The following CTIF variants were observed in gnomAD, a reference collection of about 807,000 sequenced individuals.
The protein encoded by CTIF is cap binding complex dependent translation initiation factor, also known as CBP80/20-dependent translation initiation factor.
A neutral mutation model predicts 66.0 loss-of-function variants in CTIF; 21 were observed. The ratio of observed to expected loss-of-function variants is 0.32; its 90% CI spans 0.23 to 0.46. The LOEUF (loss-of-function observed/expected upper bound fraction) is 0.46, where lower values mean the gene tolerates loss of function less well. Ranked by LOEUF, CTIF falls within the 20% of genes least tolerant of loss-of-function variation. The pLI is 1.00. For missense variants in CTIF, 739 were observed against 812.7 expected, an observed-to-expected ratio of 0.91 and a Z score of 1.10; for synonymous variants, 345 against 326.4, an observed-to-expected ratio of 1.06 and a Z score of -0.62.
At chr18:48,805,442 A>G (rs1036619494) in intron 9 of CTIF, among the ~76,000 whole-genome samples, 6 of 151,976 alleles carry the variant, frequency 3.9e-5, no homozygotes, top group Admixed American at 3.3e-4. Flanking sequence ...GGGGATTGCA[A>G]CTAGCCTCAG....
intron 6 of CTIF, among the ~76,000 whole-genome samples, chr18:48,694,292 A>G (rs1425142198): frequency 6.6e-6 from 1 of 152,220 alleles, no homozygotes; most frequent in Admixed American, 6.5e-5. Context: ...GCCCAAGGAC[A>G]ATGGATTCAG....
intron 1 of CTIF, among the ~76,000 whole-genome samples, chr18:48,545,595 C>T (rs1216450909): frequency 1.3e-5 from 2 of 151,226 alleles, no homozygotes; most frequent in East Asian, 1.9e-4. Flanking sequence ...AACTCAGGTG[C>T]GAACTTCTGG....
intron 1 of CTIF, among the ~76,000 whole-genome samples, chr18:48,541,617 C>T (rs2088622668): frequency 6.6e-6 from 1 of 152,190 alleles, no homozygotes; most frequent in African/African-American, 2.4e-5. Flanking sequence ...GGCCAGGACA[C>T]GCTCAGGTTG....
At chr18:48,738,133 G>A (rs1200622209) in intron 7 of CTIF, among the ~76,000 whole-genome samples, 1 of 152,170 alleles carries the variant, frequency 6.6e-6, no homozygotes, top group African/African-American at 2.4e-5. Context: ...ACACCTTGCA[G>A]ACATTCTTGA....
intron 9 of CTIF, among the ~76,000 whole-genome samples, chr18:48,805,597 GA>G (rs994286491): frequency 1.8e-3 from 269 of 151,978 alleles, no homozygotes; most frequent in African/African-American, 5.9e-3. Flanking sequence ...TGGGAAGGGG[GA>G]AAAAAAATCC....
chr18:48,655,652 G>A (rs555851267), intron 3 of CTIF, among the ~76,000 whole-genome samples: 19 of 152,318 alleles, frequency 1.2e-4, no homozygotes, highest in African/African-American at 4.6e-4. Context: ...GACTGAGGGT[G>A]CACTGTATCA....
rs78117489 is a variant in CTIF, at chr18:48,711,284, T to C, written c.508-335T>C. Among the ~76,000 whole-genome samples the C allele has an allele frequency of 2.7e-3, 412 of 152,358 alleles. 1 individual carries two copies. Among genetic ancestry groups the C allele is most frequent in the Middle Eastern group, 6.8e-3 (2 of 294 alleles). On this transcript the variant is annotated intron_variant, in intron 6 of 11. Transcript: ENST00000256413. Reference sequence around the variant, plus strand: ...GCTGCAGAACCTGGCCCCAGCTCTGTTGCTCATTTTCTGCAAAACCTTGAA... The same window carrying C: ...GCTGCAGAACCTGGCCCCAGCTCTGCTGCTCATTTTCTGCAAAACCTTGAA...
At chr18:48,630,863 G>C (rs2090697867) in intron 2 of CTIF, among the ~76,000 whole-genome samples, 3 of 151,926 alleles carry the variant, frequency 2.0e-5, no homozygotes, top group Admixed American at 6.6e-5. Flanking sequence ...TTTTTTAGTA[G>C]AGACGGGGTT....
chr18:48,759,793 T>A (rs1419093470), intron 8 of CTIF, among the ~76,000 whole-genome samples: 1 of 151,932 alleles, frequency 6.6e-6, no homozygotes, highest in Non-Finnish European at 1.5e-5. Context: ...AAGAGAGGGG[T>A]ACATGGGGGA....
At chr18:48,704,100 C>G (rs191794964) in intron 6 of CTIF, among the ~76,000 whole-genome samples, 1 of 152,088 alleles carries the variant, frequency 6.6e-6, no homozygotes, top group Non-Finnish European at 1.5e-5. Context: ...GGGAGCATGG[C>G]GGAGCACCAC....
rs577087125 is a variant in CTIF at position 48,755,248 on chromosome 18, G to A, written c.585-2671G>A. ...ATTGAAAGAACAAAGAGAATGGAAGGAGCAATTAGTTGAAAGTAACTGAGA... is the reference window on the plus strand; with the variant it reads ...ATTGAAAGAACAAAGAGAATGGAAGAAGCAATTAGTTGAAAGTAACTGAGA... On this transcript the variant is annotated intron_variant, in intron 7 of 11. Coordinates refer to ENST00000256413, the MANE Select transcript of CTIF (RefSeq NM_014772.3). Among the ~76,000 whole-genome samples the A allele has an allele frequency of 2.4e-4, 36 of 152,356 alleles. No individual in the cohort carries two copies. In the South Asian group the frequency reaches 7.0e-3, roughly 30 times the overall value.
At chr18:48,719,956 A>T (rs146807055) in intron 7 of CTIF, among the ~76,000 whole-genome samples, 42 of 152,360 alleles carry the variant, frequency 2.8e-4, no homozygotes, top group Admixed American at 9.8e-4. Context: ...GTATTAAATA[A>T]GGTTTCTTTA....
intron 9 of CTIF, among the ~76,000 whole-genome samples, chr18:48,787,586 G>A (rs1016905606): frequency 2.6e-5 from 4 of 152,126 alleles, no homozygotes; most frequent in South Asian, 2.1e-4. Context: ...GGACCGTGAC[G>A]GGCCCCAGCT....
chr18:48,661,646 G>A (rs2091349198), intron 3 of CTIF, among the ~76,000 whole-genome samples: 1 of 152,184 alleles, frequency 6.6e-6, no homozygotes, highest in South Asian at 2.1e-4. Context: ...AAGGGAGAGA[G>A]GACGATCCTA....
chr18:48,755,954 G>A (rs998300824), intron 7 of CTIF: 1 of 152,330 alleles, frequency 6.6e-6, no homozygotes, highest in Non-Finnish European at 1.5e-5. Flanking sequence ...TGACACACTG[G>A]TGAGTTCCTG....
intron 1 of CTIF, among the ~76,000 whole-genome samples, chr18:48,568,641 A>AAAAAAG: frequency 1.2e-5 from 1 of 80,040 alleles, no homozygotes; most frequent in Non-Finnish European, 2.3e-5. Flanking sequence ...TGTAAAAAAA[A>AAAAAAG]AAAAAAAAAA....
chr18:48,648,745 A>G (rs7504869), intron 3 of CTIF, among the ~76,000 whole-genome samples: 90,388 of 152,052 alleles, frequency 0.59, 29,320 homozygotes, highest in East Asian at 0.85. Flanking sequence ...AAGCCCTCAT[A>G]GTGTCTCTCA....
At chr18:48,718,833 A>G (rs1233804552) in intron 7 of CTIF, among the ~76,000 whole-genome samples, 1 of 152,156 alleles carries the variant, frequency 6.6e-6, no homozygotes, top group Non-Finnish European at 1.5e-5. Flanking sequence ...ACCTCATGTA[A>G]AGATTTCTTT....
At chr18:48,745,057 T>C (rs142846127) in intron 7 of CTIF, among the ~76,000 whole-genome samples, 4,625 of 152,222 alleles carry the variant, frequency 0.03, 109 homozygotes, top group Non-Finnish European at 0.044. Flanking sequence ...CTCCTGACCA[T>C]GTGATCCGCC....
Sources: gnomAD v4.1 joint callset for allele counts (sites outside exome capture counted in the v4.1 genomes callset) on GRCh38, gnomAD v4.1.1 for gene constraint, MANE v1.5 for transcripts, NCBI Gene and HGNC (gene_info 2026-07-23, HGNC 2026-07-21) for gene names.